ABCC2: variants seen among roughly 807,000 people sequenced by gnomAD.
ABCC2 encodes ATP-binding cassette sub-family C member 2.
ABCC2 carries 157 observed loss-of-function variants against 173.4 expected under a neutral mutation model. The observed-to-expected ratio is 0.91, with a 90% CI of 0.80 to 1.03. ABCC2 has a LOEUF of 1.03. Among genes scored for constraint, ABCC2 ranks in the 50% least tolerant of loss-of-function variants. The probability of loss-of-function intolerance (pLI) is 0.00; values close to 1 mark genes in which losing one functional copy is unlikely to be tolerated. For missense variants in ABCC2, 1,822 were observed against 1,852.3 expected, an observed-to-expected ratio of 0.98 and a Z score of 0.30; for synonymous variants, 657 against 693.5, an observed-to-expected ratio of 0.95 and a Z score of 0.83.
At chr10:99,784,475 ATAGT>A in intron 1 of ABCC2, 129 bp from the exon 2 acceptor site, 1 of 969,222 alleles carries the variant, frequency 1.0e-6, no homozygotes, top group Non-Finnish European at 1.6e-6. Context: ...GAAAATACGG[ATAGT>A]TAAAGGGTAA....
chr10:99,846,929 C>A, intron 29 of ABCC2, 32 bp from the exon 30 acceptor site: 1 of 1,613,786 alleles, frequency 6.2e-7, no homozygotes, highest in African/African-American at 1.3e-5. Context: ...CTGGCATGAG[C>A]CCCAACAGCC....
At chr10:99,833,125 G>A (rs1590183698) in intron 23 of ABCC2, among the ~76,000 whole-genome samples, 1 of 152,362 alleles carries the variant, frequency 6.6e-6, no homozygotes, top group Non-Finnish European at 1.5e-5. Context: ...TGGGGACACA[G>A]TAACTGCTTC....
intron 19 of ABCC2, among the ~76,000 whole-genome samples, chr10:99,822,200 C>G (rs2038551118): frequency 6.6e-6 from 1 of 152,202 alleles, no homozygotes; most frequent in South Asian, 2.1e-4. Context: ...GCTGCTCCTG[C>G]AGGCATAGGG....
At chr10:99,850,243 C>G (rs2039069906) in intron 30 of ABCC2, among the ~76,000 whole-genome samples, 1 of 152,200 alleles carries the variant, frequency 6.6e-6, no homozygotes, top group Non-Finnish European at 1.5e-5. Context: ...TCACGGCAAC[C>G]AAATACAAAG....
intron 2 of ABCC2, among the ~76,000 whole-genome samples, chr10:99,790,210 C>A (rs543929512): frequency 2.0e-3 from 297 of 152,288 alleles, no homozygotes; most frequent in Middle Eastern, 3.4e-3. Context: ...GTCTCATCAA[C>A]TTTGTATCAC....
At chr10:99,818,646 C>A (rs1002973219) in intron 17 of ABCC2, 144 bp from the exon 18 acceptor site, 15 of 771,138 alleles carry the variant, frequency 1.9e-5, no homozygotes, top group Non-Finnish European at 2.9e-5. Flanking sequence ...TGAATCAGTT[C>A]TTTATTTGTA....
chr10:99,813,198 G>A (rs966245339), intron 16 of ABCC2, 54 bp downstream of exon 16: 7 of 1,598,276 alleles, frequency 4.4e-6, no homozygotes, highest in East Asian at 4.5e-5. Flanking sequence ...CAGCAGCTTC[G>A]TGCTTTTGCC....
intron 19 of ABCC2, among the ~76,000 whole-genome samples, chr10:99,823,220 A>T (rs1395314456): frequency 1.3e-5 from 2 of 152,100 alleles, no homozygotes; most frequent in Non-Finnish European, 2.9e-5. Context: ...TCCATGTGAC[A>T]TCAAATTTGT....
At position 99,819,205 on chromosome 10, in the gene ABCC2, A is replaced by T; in HGVS notation, c.2556A>T (p.Lys852Asn). Reference sequence around the variant, plus strand: ...CCTACAGTGCTCTCCTGGCCAAAAAAGGAGAGTTTGCTAAGAATCTGAAGA... The same window carrying T: ...CCTACAGTGCTCTCCTGGCCAAAAATGGAGAGTTTGCTAAGAATCTGAAGA... ...KGSYSALLAK[K>N]GEFAKNLKTF... is the part of the protein sequence containing the mutation. The change falls in exon 19 of 32, where the codon AAA becomes AAT. Residue 852 changes from lysine to asparagine, a missense_variant. Physicochemically the swap from Lys to Asn is moderately conservative, Grantham distance 94 (BLOSUM62 0). Coordinates refer to ENST00000647814, the MANE Select transcript of ABCC2 (RefSeq NM_000392.5). 1 of 1,614,218 alleles carries T rather than the reference A, an allele frequency of 6.2e-7. No individual in the cohort carries two copies. Among genetic ancestry groups the T allele is most frequent in the Non-Finnish European group, 8.5e-7 (1 of 1,180,040 alleles).
chr10:99,832,025 A>G lies in ABCC2; in HGVS notation c.3152A>G (p.His1051Arg), dbSNP rs770854510. ...TTCTGGAGTGCCTTTGGTTTCGTCC[A>G]TGCATCAAATATCTTGCACAAGCAA... The part of the protein sequence containing the change: ...AHFWSAFGFV[H>R]ASNILHKQLL... Residue 1051 changes from histidine (H) to arginine (R), a missense_variant, in exon 23 of 32, where the codon CAT becomes CGT. Physicochemically the swap from His to Arg is conservative, Grantham distance 29 (BLOSUM62 0). Coordinates refer to ENST00000647814, the MANE Select transcript of ABCC2 (RefSeq NM_000392.5). 70 of 1,614,232 alleles carry G rather than the reference A, an allele frequency of 4.3e-5. No individual in the cohort carries two copies. The highest frequency in any genetic ancestry group is 5.8e-5 in the Non-Finnish European group (68 of 1,180,038).
At chr10:99,844,251 G>C in intron 27 of ABCC2, 71 bp from the exon 28 acceptor site, 1 of 1,580,098 alleles carries the variant, frequency 6.3e-7, no homozygotes, top group Middle Eastern at 2.1e-4. Context: ...TCTATGACAC[G>C]AGTCCTGGGT....
intron 16 of ABCC2, among the ~76,000 whole-genome samples, chr10:99,814,190 CACA>C (rs1564683512): frequency 0.015 from 1,292 of 88,500 alleles, 73 homozygotes; most frequent in Middle Eastern, 0.023. Flanking sequence ...TATGTATACA[CACA>C]TGTGTATATA....
At chr10:99,806,077 C>CTCTCTCTGTGTGTG (rs10644836) in intron 11 of ABCC2, among the ~76,000 whole-genome samples, 8 of 148,146 alleles carry the variant, frequency 5.4e-5, no homozygotes, top group African/African-American at 1.5e-4. Flanking sequence ...CTCTCTCTGT[C>CTCTCTCTGTGTGTG]TGTGTGTGTG....
intron 9 of ABCC2, among the ~76,000 whole-genome samples, chr10:99,801,129 A>G (rs1037765954): frequency 6.6e-6 from 1 of 152,184 alleles, no homozygotes; most frequent in Admixed American, 6.5e-5. Context: ...TTGTAAATAC[A>G]TTCATGCTGA....
chr10:99,831,623 A>G lies in ABCC2; in HGVS notation c.2896A>G (p.Ile966Val). ...FIETGKVKFS[I>V]YLEYLQAIGL... is the part of the protein sequence containing the mutation. ...GGGGACTTTGCAGGTGAAGTTCTCC[A>G]TCTACCTGGAGTACCTACAAGCAAT... The change falls in exon 22 of 32, where the codon ATC (isoleucine) becomes GTC (valine). Residue 966 changes from isoleucine to valine, a missense_variant. Physicochemically the swap from Ile to Val is conservative, Grantham distance 29. Transcript: ENST00000647814. 1 of 1,614,136 alleles carries G rather than the reference A, an allele frequency of 6.2e-7. No individual in the cohort carries two copies. Among genetic ancestry groups the G allele is most frequent in the Non-Finnish European group, 8.5e-7 (1 of 1,179,980 alleles).
At chr10:99,805,907 A>T (rs908652260) in intron 11 of ABCC2, among the ~76,000 whole-genome samples, 1 of 152,152 alleles carries the variant, frequency 6.6e-6, no homozygotes, top group Non-Finnish European at 1.5e-5. Flanking sequence ...CCAGTATCAT[A>T]CCTACAAAAA....
At chr10:99,795,747 GA>G (rs2037893724) in intron 6 of ABCC2, among the ~76,000 whole-genome samples, 2 of 79,450 alleles carry the variant, frequency 2.5e-5, no homozygotes, top group East Asian at 3.7e-4. Context: ...AGGAAAGAAA[GA>G]AAGAAAGAAA....
chr10:99,783,638 G>A (rs1033415514), intron 1 of ABCC2, among the ~76,000 whole-genome samples: 2 of 152,186 alleles, frequency 1.3e-5, no homozygotes, highest in African/African-American at 4.8e-5. Context: ...TATCTTAAGT[G>A]ATTCTTCTGA....
At position 99,842,031 on chromosome 10, in the gene ABCC2, G is replaced by A. The variant is rs762165282; in HGVS notation, c.3679G>A (p.Val1227Ile). Reference sequence around the variant, plus strand: ...TGTCTTCTTTTCAGCCTTGATGATGGTTATTTATAGAGATACCCTAAGTGG... The same window carrying A: ...TGTCTTCTTTTCAGCCTTGATGATGATTATTTATAGAGATACCCTAAGTGG... ...LTVFFSALMMVIYRDTLSGDT... is the reference protein window; with the variant it reads ...LTVFFSALMMIIYRDTLSGDT... The change falls in exon 26 of 32, where the codon GTT becomes ATT. Residue 1227 changes from valine to isoleucine, a missense_variant. Val to Ile is a conservative substitution (Grantham distance 29, BLOSUM62 3). Coordinates refer to ENST00000647814, the MANE Select transcript of ABCC2 (RefSeq NM_000392.5). 6.2e-6 allele frequency: 10 copies of A among 1,614,188 alleles called. No individual in the cohort carries two copies. The highest frequency in any genetic ancestry group is 2.2e-5 in the South Asian group (2 of 91,086).
Sources: allele counts gnomAD v4.1 joint callset (sites outside exome capture counted in the v4.1 genomes callset), GRCh38; gene constraint gnomAD v4.1.1; transcripts MANE v1.5; gene names NCBI Gene and HGNC (gene_info 2026-07-23, HGNC 2026-07-21).